CTNNA3: variants seen among roughly 807,000 people sequenced by gnomAD.
CTNNA3 encodes catenin alpha-3.
In CTNNA3, 76 loss-of-function variants were observed where a neutral mutation model predicts 95.7. The ratio of observed to expected loss-of-function variants is 0.79; its 90% CI spans 0.66 to 0.96. CTNNA3 has a LOEUF of 0.96. Ranked by LOEUF, CTNNA3 falls within the 40% of genes least tolerant of loss-of-function variation. CTNNA3 has a pLI of 0.00. For synonymous variants in CTNNA3, 431 were observed against 374.4 expected, an observed-to-expected ratio of 1.15 and a Z score of -1.74; for missense variants, 1,191 against 1,089.8, an observed-to-expected ratio of 1.09 and a Z score of -1.31.
chr10:66,527,293 C>T (rs578214657), intron 10 of CTNNA3, among the ~76,000 whole-genome samples: 2 of 152,052 alleles, frequency 1.3e-5, no homozygotes, highest in Non-Finnish European at 1.5e-5. Context: ...CTGTATCACA[C>T]TGATTTGATT....
At chr10:67,497,898 A>G (rs1192944709) in intron 5 of CTNNA3, among the ~76,000 whole-genome samples, 1 of 152,166 alleles carries the variant, frequency 6.6e-6, no homozygotes, top group Non-Finnish European at 1.5e-5. Flanking sequence ...GTTCACTCTG[A>G]TAATAGTTTC....
At chr10:66,796,359 G>C (rs1443249265) in intron 7 of CTNNA3, among the ~76,000 whole-genome samples, 2 of 152,030 alleles carry the variant, frequency 1.3e-5, no homozygotes, top group Admixed American at 1.3e-4. Flanking sequence ...AGAGATTGGG[G>C]AACACCAGTT....
chr10:67,051,059 G>A (rs1264905665), intron 7 of CTNNA3, among the ~76,000 whole-genome samples: 1 of 152,044 alleles, frequency 6.6e-6, no homozygotes, highest in Non-Finnish European at 1.5e-5. Context: ...TTACAATATG[G>A]GAAGATAAAA....
chr10:67,650,965 C>T (rs752839097), intron 1 of CTNNA3, among the ~76,000 whole-genome samples: 2 of 151,902 alleles, frequency 1.3e-5, no homozygotes, highest in Non-Finnish European at 2.9e-5. Flanking sequence ...ACCCCCTCCC[C>T]CACTGCCTCC....
At chr10:66,367,955 C>T (rs1169570593) in intron 12 of CTNNA3, among the ~76,000 whole-genome samples, 2 of 147,686 alleles carry the variant, frequency 1.4e-5, no homozygotes, top group African/African-American at 5.0e-5. Flanking sequence ...ACTTTGTATT[C>T]TAATGTGGAT....
chr10:66,256,441 G>C (rs561894470), intron 13 of CTNNA3, among the ~76,000 whole-genome samples: 76 of 152,212 alleles, frequency 5.0e-4, no homozygotes, highest in African/African-American at 1.8e-3. Flanking sequence ...AAAGGTGCTT[G>C]GGGCGCGGTG....
At chr10:67,056,212 G>A (rs181264259) in intron 7 of CTNNA3, among the ~76,000 whole-genome samples, 39 of 152,208 alleles carry the variant, frequency 2.6e-4, no homozygotes, top group African/African-American at 9.1e-4. Context: ...ATAAAATATG[G>A]TTGGTATACA....
intron 7 of CTNNA3, among the ~76,000 whole-genome samples, chr10:66,864,398 T>C (rs182774592): frequency 6.6e-6 from 1 of 152,276 alleles, no homozygotes; most frequent in Admixed American, 6.5e-5. Context: ...TCCCATGTAA[T>C]GACATAGTAA....
At chr10:66,142,332 A>G (rs1483321149) in intron 13 of CTNNA3, among the ~76,000 whole-genome samples, 1 of 151,904 alleles carries the variant, frequency 6.6e-6, no homozygotes, top group African/African-American at 2.4e-5. Context: ...AGTTGGGTCT[A>G]TTTCTGGGCT....
At chr10:67,444,960 C>T (rs1035458362) in intron 5 of CTNNA3, among the ~76,000 whole-genome samples, 17 of 151,944 alleles carry the variant, frequency 1.1e-4, no homozygotes, top group African/African-American at 3.4e-4. Flanking sequence ...TGAATCCTAT[C>T]AAACATTTAA....
chr10:67,308,159 T>G (rs2132517649), intron 5 of CTNNA3, among the ~76,000 whole-genome samples: 1 of 152,274 alleles, frequency 6.6e-6, no homozygotes, highest in South Asian at 2.1e-4. Flanking sequence ...GCCTACATAC[T>G]TACTGGATCA....
intron 17 of CTNNA3, among the ~76,000 whole-genome samples, chr10:65,941,525 T>C (rs1172571819): frequency 6.6e-6 from 1 of 152,172 alleles, no homozygotes; most frequent in Non-Finnish European, 1.5e-5. Flanking sequence ...AGTCTGCATT[T>C]TCCCCCCAGG....
At chr10:67,230,339 T>A (rs1245101986) in intron 5 of CTNNA3, among the ~76,000 whole-genome samples, 1 of 152,340 alleles carries the variant, frequency 6.6e-6, no homozygotes, top group East Asian at 1.9e-4. Flanking sequence ...GATTAAGGAC[T>A]TAAATCTAAG....
intron 5 of CTNNA3, among the ~76,000 whole-genome samples, chr10:67,257,756 A>C (rs1454234277): frequency 2.0e-5 from 3 of 152,178 alleles, no homozygotes; most frequent in Non-Finnish European, 4.4e-5. Flanking sequence ...TCTTTAATTA[A>C]AAACAATAAT....
intron 14 of CTNNA3, among the ~76,000 whole-genome samples, chr10:66,069,867 T>C (rs999871875): frequency 6.6e-6 from 1 of 152,130 alleles, no homozygotes; most frequent in East Asian, 1.9e-4. Flanking sequence ...GGTGGATGTA[T>C]AACATAATTT....
intron 3 of CTNNA3, among the ~76,000 whole-genome samples, chr10:67,564,688 T>A (rs1296866802): frequency 3.0e-4 from 21 of 69,766 alleles, no homozygotes; most frequent in Non-Finnish European, 4.1e-4. Context: ...TATATATATA[T>A]ATATATATAT....
At chr10:66,851,772 T>C (rs572026888) in intron 7 of CTNNA3, among the ~76,000 whole-genome samples, 24 of 152,284 alleles carry the variant, frequency 1.6e-4, no homozygotes, top group Non-Finnish European at 2.9e-4. Flanking sequence ...ATGTTTCCCG[T>C]ACAGCCTGCA....
intron 9 of CTNNA3, among the ~76,000 whole-genome samples, chr10:66,685,852 G>A (rs890308296): frequency 2.0e-5 from 3 of 152,050 alleles, no homozygotes; most frequent in Admixed American, 6.6e-5. Flanking sequence ...GGCACTTTCT[G>A]AGATGTTAAA....
chr10:67,133,211 T>C (rs1344911913), intron 7 of CTNNA3, among the ~76,000 whole-genome samples: 2 of 148,204 alleles, frequency 1.3e-5, no homozygotes, highest in Non-Finnish European at 3.0e-5. Context: ...TGTATGTCAA[T>C]AAAAGAGAAA....
Sources: allele counts gnomAD v4.1 joint callset (sites outside exome capture counted in the v4.1 genomes callset), GRCh38; gene constraint gnomAD v4.1.1; transcripts MANE v1.5; gene names NCBI Gene and HGNC (gene_info 2026-07-23, HGNC 2026-07-21).